Variants in C2CD3 observed in about 807,000 individuals in gnomAD.
C2CD3 encodes the protein C2 domain containing 3 centriole elongation regulator.
Under a neutral mutation model 234.0 loss-of-function variants are expected in C2CD3, and 148 were observed. The ratio of observed to expected loss-of-function variants is 0.63; its 90% CI spans 0.55 to 0.72. The LOEUF is 0.72. Among genes scored for constraint, C2CD3 ranks in the 30% least tolerant of loss-of-function variants. The probability of loss-of-function intolerance (pLI) is 0.00; values close to 1 mark genes in which losing one functional copy is unlikely to be tolerated. For missense variants in C2CD3, 2,577 were observed against 2,811.5 expected, an observed-to-expected ratio of 0.92 and a Z score of 1.89; for synonymous variants, 1,000 against 1,035.4, an observed-to-expected ratio of 0.97 and a Z score of 0.66.
chr11:74,095,430 C>T, intron 16 of C2CD3, 22 bp from the exon 17 acceptor site: 1 of 1,594,558 alleles, frequency 6.3e-7, no homozygotes, highest in Non-Finnish European at 8.6e-7. Flanking sequence ...AACAGAAACA[C>T]TGGTGAGCTT....
chr11:74,042,486 C>G (rs1953115174), intron 28 of C2CD3, among the ~76,000 whole-genome samples: 1 of 152,138 alleles, frequency 6.6e-6, no homozygotes, highest in Non-Finnish European at 1.5e-5. Flanking sequence ...GGGGTGGTGA[C>G]TCACGCCTGT....
chr11:74,118,933 G>A (rs1957121561), intron 8 of C2CD3, among the ~76,000 whole-genome samples: 1 of 147,596 alleles, frequency 6.8e-6, no homozygotes, highest in Admixed American at 6.7e-5. Flanking sequence ...TTTGAGACAG[G>A]GTCTCACCGT....
intron 3 of C2CD3, among the ~76,000 whole-genome samples, chr11:74,147,950 T>C (rs1473979070): frequency 6.6e-6 from 1 of 152,208 alleles, no homozygotes; most frequent in African/African-American, 2.4e-5. Context: ...CAATTTATAC[T>C]GGAAGTGTAA....
Position 74,084,871 on chromosome 11 carries a change from G to A in C2CD3, c.4000+10C>T. 1 of 1,553,466 alleles carries A rather than the reference G, an allele frequency of 6.4e-7. No homozygotes were observed. Among genetic ancestry groups the A allele is most frequent in the Non-Finnish European group, 8.9e-7 (1 of 1,124,998 alleles). Reference sequence around the variant, plus strand: ...GGTGGCATCAGAAAGTGATAATCCAGGATCCTTACCAGATCTCTTGATCAG... The same window carrying A: ...GGTGGCATCAGAAAGTGATAATCCAAGATCCTTACCAGATCTCTTGATCAG... On this transcript the variant is annotated intron_variant, in intron 22 of 32. Coordinates refer to ENST00000334126, the MANE Select transcript of C2CD3 (RefSeq NM_001286577.2).
At position 74,013,480 on chromosome 11, in the gene C2CD3, G is replaced by A. The variant is rs1951767056; in HGVS notation, c.6967C>T (p.Arg2323Cys). ...AGGGGGAGCGAGTTAGGTCTGGGGCGACAAGGCCTTTGGGAGAGAGCTCCC... is the reference window on the plus strand; with the variant it reads ...AGGGGGAGCGAGTTAGGTCTGGGGCAACAAGGCCTTTGGGAGAGAGCTCCC... ...TRGALSQRPCRPRPNSLPLNL... is the reference protein window; with the variant it reads ...TRGALSQRPCCPRPNSLPLNL... The change falls in exon 33 of 33, where the codon CGC (arginine) becomes TGC (cysteine). Residue 2323 changes from arginine to cysteine, a missense_variant. Coordinates refer to ENST00000334126, the MANE Select transcript of C2CD3 (RefSeq NM_001286577.2). 5.0e-6 allele frequency: 7 copies of A among 1,412,732 alleles called. No individual in the cohort carries two copies. Among genetic ancestry groups the A allele is most frequent in the East Asian group, 2.9e-5 (1 of 34,434 alleles). The allele number at this position is 1,412,732 out of a possible 1,614,324, so 87.5% of individuals were successfully genotyped here.
At chr11:74,079,557 G>A (rs1411204395) in intron 22 of C2CD3, among the ~76,000 whole-genome samples, 1 of 150,700 alleles carries the variant, frequency 6.6e-6, no homozygotes, top group Non-Finnish European at 1.5e-5. Context: ...TATCTAGTAT[G>A]TGTCAGAAAT....
At chr11:74,016,990 G>A (rs1951904002) in intron 32 of C2CD3, among the ~76,000 whole-genome samples, 1 of 152,130 alleles carries the variant, frequency 6.6e-6, no homozygotes, top group Admixed American at 6.5e-5. Flanking sequence ...AAACATGAAG[G>A]TGGAATGTGA....
chr11:74,043,124 C>G (rs1953155319), intron 28 of C2CD3, among the ~76,000 whole-genome samples: 1 of 152,216 alleles, frequency 6.6e-6, no homozygotes, highest in Admixed American at 6.5e-5. Flanking sequence ...ACTCACAAAA[C>G]AACCTCATAC....
rs1004442291 is a variant in C2CD3, at chr11:74,013,127, C to T, written c.*258G>A. The T allele has an allele frequency of 4.4e-5, 11 of 247,350 alleles. No individual in the cohort carries two copies. Among genetic ancestry groups the T allele is most frequent in the Middle Eastern group, 1.1e-3 (1 of 896 alleles). 15.3% of individuals were successfully genotyped at this position (247,350 alleles called of 1,614,324 possible). A position where few individuals can be genotyped will look rare whatever the true frequency, so the allele number is the denominator to read the frequency against. On this transcript the variant is annotated 3_prime_UTR_variant, in exon 33 of 33. Transcript: ENST00000334126. Reference sequence around the variant, plus strand: ...TGCCTGCTTGGGTCCCACTTGGGCGCGGATTCCATTTTATTTCTAGCCTTT... The same window carrying T: ...TGCCTGCTTGGGTCCCACTTGGGCGTGGATTCCATTTTATTTCTAGCCTTT...
At chr11:74,108,810 G>C (rs1590824498) in intron 12 of C2CD3, among the ~76,000 whole-genome samples, 1 of 151,790 alleles carries the variant, frequency 6.6e-6, no homozygotes. Context: ...AAAATTGATA[G>C]TGTGCTCGTG....
rs780086809 is a variant in C2CD3, at chr11:74,048,247, G to A, written c.5453C>T (p.Ala1818Val). 3.7e-6 allele frequency: 6 copies of A among 1,613,726 alleles called. 1 individual carries two copies. The South Asian group carries it at 5.5e-5, about 15-fold the overall frequency. Residue 1818 changes from alanine to valine, a missense_variant, in exon 28 of 33, where the codon GCT becomes GTT. Coordinates refer to ENST00000334126, the MANE Select transcript of C2CD3 (RefSeq NM_001286577.2). ...ATCAAGCTCCTTTGAGGAGGCATGAGCAAGTTGGTCTAGGGTCTGCCTTGC... is the reference window on the plus strand; with the variant it reads ...ATCAAGCTCCTTTGAGGAGGCATGAACAAGTTGGTCTAGGGTCTGCCTTGC... ...HMARQTLDQLAHASSKELDFS... is the reference protein window; with the variant it reads ...HMARQTLDQLVHASSKELDFS...
At chr11:74,084,335 C>A (rs1390971685) in intron 22 of C2CD3, among the ~76,000 whole-genome samples, 2 of 151,714 alleles carry the variant, frequency 1.3e-5, no homozygotes, top group Non-Finnish European at 2.9e-5. Context: ...GGAGAAATAC[C>A]TAATGTAAAT....
In C2CD3 at chr11:74,078,782, C is replaced by T. The variant is rs1955193099; in HGVS notation, c.4001-65G>A. ...AAGTAAACAAAAAACAAGTTACTTA[C>T]TCTCCACCCCATAGTGTCCTATCAT... is the stretch of plus-strand genomic sequence containing the variant. On this transcript the variant is annotated intron_variant, in intron 22 of 32. Transcript: ENST00000334126. 1.3e-5 allele frequency: 19 copies of T among 1,414,104 alleles called. No individual in the cohort carries two copies. The South Asian group carries it at 1.6e-4, about 12-fold the overall frequency. 87.6% of individuals were successfully genotyped at this position (1,414,104 alleles called of 1,614,324 possible).
intron 7 of C2CD3, among the ~76,000 whole-genome samples, chr11:74,132,409 C>T (rs545162831): frequency 3.9e-5 from 6 of 152,278 alleles, no homozygotes; most frequent in Middle Eastern, 3.4e-3. Flanking sequence ...CATTGTGTTA[C>T]TCCTCTATAT....
intron 3 of C2CD3, among the ~76,000 whole-genome samples, chr11:74,144,293 C>T (rs969209948): frequency 1.1e-4 from 17 of 152,182 alleles, no homozygotes; most frequent in African/African-American, 4.1e-4. Context: ...ATGCAATTCT[C>T]TGCAAGCCTG....
intron 3 of C2CD3, among the ~76,000 whole-genome samples, chr11:74,158,877 A>C (rs1037334991): frequency 6.6e-6 from 1 of 152,206 alleles, no homozygotes; most frequent in African/African-American, 2.4e-5. Flanking sequence ...GATGTGGAGA[A>C]AGGGATACTC....
chr11:74,114,620 G>A (rs774520147), intron 9 of C2CD3, 27 bp from the exon 10 acceptor site: 13 of 1,403,100 alleles, frequency 9.3e-6, no homozygotes, highest in African/African-American at 8.5e-5. Flanking sequence ...CAAGCAGTGA[G>A]GCATACTGCT....
chr11:74,132,747 A>T, intron 7 of C2CD3, 97 bp downstream of exon 7: 1 of 1,204,116 alleles, frequency 8.3e-7, no homozygotes, highest in Non-Finnish European at 1.2e-6. Context: ...TGGTTAGTCT[A>T]AGGACATGTT....
rs200361410 is a variant in C2CD3 at position 74,100,567 on chromosome 11, C to T, written c.2690G>A (p.Gly897Glu). 3 of 1,613,838 alleles carry T rather than the reference C, an allele frequency of 1.9e-6. No individual in the cohort carries two copies. The highest frequency in any genetic ancestry group is 2.2e-5 in the East Asian group (1 of 44,870). ...CTGGTGGAGGGGAAGTTTCACCAGCCCGAGCAGCTTGTCCTGTCCTGGGCT... is the reference window on the plus strand; with the variant it reads ...CTGGTGGAGGGGAAGTTTCACCAGCTCGAGCAGCTTGTCCTGTCCTGGGCT... Reference protein sequence around the residue: ...VRSPGQDKLLGLVKLPLHQFY... With the variant: ...VRSPGQDKLLELVKLPLHQFY... The change falls in exon 15 of 33, where the codon GGG becomes GAG. Residue 897 changes from glycine (G) to glutamate (E), a missense_variant. Transcript: ENST00000334126.
Sources: allele counts gnomAD v4.1 joint callset (sites outside exome capture counted in the v4.1 genomes callset), GRCh38; gene constraint gnomAD v4.1.1; transcripts MANE v1.5; gene names NCBI Gene and HGNC (gene_info 2026-07-23, HGNC 2026-07-21).